Variants in SAMSN1 observed in about 807,000 individuals in gnomAD.
SAMSN1 encodes the protein SAM domain-containing protein SAMSN-1.
A neutral mutation model predicts 42.0 loss-of-function variants in SAMSN1; 31 were observed. The ratio of observed to expected loss-of-function variants is 0.74; its 90% CI spans 0.55 to 1.00. The LOEUF (loss-of-function observed/expected upper bound fraction) is 1.00. Among genes scored for constraint, SAMSN1 ranks in the 50% least tolerant of loss-of-function variants. SAMSN1 has a pLI of 0.00. For missense variants in SAMSN1, 464 were observed against 439.4 expected (o/e 1.06, Z -0.50); for synonymous variants, 178 against 151.9 (o/e 1.17, Z -1.26).
chr21:14,655,921 A>C (rs2123402576), intron 1 of SAMSN1, among the ~76,000 whole-genome samples: 1 of 151,996 alleles, frequency 6.6e-6, no homozygotes, highest in South Asian at 2.1e-4. Context: ...CAATATACTA[A>C]TAATGTGTCT....
chr21:14,546,486 G>T (rs1194815811), upstream of SAMSN1: 7 of 535,842 alleles, frequency 1.3e-5, no homozygotes, highest in East Asian at 2.3e-4. Flanking sequence ...TTTCTATGAG[G>T]TATGTTCCAA....
At chr21:14,598,967 A>G (rs963302652) in intron 6 of SAMSN1, among the ~76,000 whole-genome samples, 1 of 152,180 alleles carries the variant, frequency 6.6e-6, no homozygotes, top group African/African-American at 2.4e-5. Context: ...TATCATCTTC[A>G]TAATAGGGAA....
intron 2 of SAMSN1, among the ~76,000 whole-genome samples, chr21:14,570,773 G>A (rs929896762): frequency 4.6e-5 from 7 of 152,142 alleles, no homozygotes; most frequent in African/African-American, 1.7e-4. Flanking sequence ...TGTATGTAGA[G>A]TGATCTTTCC....
chr21:14,636,858 C>T (rs112581921), intron 2 of SAMSN1, among the ~76,000 whole-genome samples: 9 of 151,650 alleles, frequency 5.9e-5, no homozygotes, highest in South Asian at 2.1e-4. Context: ...AGCGAGATTC[C>T]GTCTCAAAAA....
At chr21:14,594,583 G>A (rs908863329) in intron 6 of SAMSN1, 1 of 152,238 alleles carries the variant, frequency 6.6e-6, no homozygotes, top group Non-Finnish European at 1.5e-5. Context: ...TCAAGTCATA[G>A]TGTGGGATGT....
rs146720900 is a variant in SAMSN1, at chr21:14,561,127, T to C, written c.261+21009A>G. On this transcript the variant is annotated intron_variant, in intron 2 of 8. Transcript: ENST00000285670. ...AACATCACTATTGTAGAATCTAAGA[T>C]TGGTTTTTTGAGGTATCTTTCACGC... Among the ~76,000 whole-genome samples the C allele has an allele frequency of 4.5e-3, 689 of 152,228 alleles. 8 individuals are homozygous for C. Among genetic ancestry groups the C allele is most frequent in the African/African-American group, 0.016 (648 of 41,544 alleles).
intron 7 of SAMSN1, among the ~76,000 whole-genome samples, chr21:14,492,112 T>C (rs1349619789): frequency 6.6e-6 from 1 of 152,210 alleles, no homozygotes; most frequent in Non-Finnish European, 1.5e-5. Flanking sequence ...AACTACTAGA[T>C]TTTTAGTTAG....
intron 5 of SAMSN1, among the ~76,000 whole-genome samples, chr21:14,605,981 A>T (rs1965312520): frequency 6.6e-6 from 1 of 151,798 alleles, no homozygotes; most frequent in Non-Finnish European, 1.5e-5. Context: ...AGCTGGGACT[A>T]CAGGCGCCCG....
At chr21:14,631,280 A>G (rs984402481) in intron 2 of SAMSN1, among the ~76,000 whole-genome samples, 1 of 152,228 alleles carries the variant, frequency 6.6e-6, no homozygotes, top group Non-Finnish European at 1.5e-5. Flanking sequence ...TGCTAATAGT[A>G]TAAAATACAT....
chr21:14,489,937 C>G (rs1235913543), intron 7 of SAMSN1, among the ~76,000 whole-genome samples: 2 of 151,950 alleles, frequency 1.3e-5, no homozygotes, highest in Non-Finnish European at 2.9e-5. Context: ...CTCAATTATA[C>G]TAAAAGTGAA....
intron 2 of SAMSN1, among the ~76,000 whole-genome samples, chr21:14,638,987 A>G (rs1486024224): frequency 6.6e-6 from 1 of 152,240 alleles, no homozygotes; most frequent in East Asian, 1.9e-4. Flanking sequence ...ACAAATATTT[A>G]TTGAATGACC....
chr21:14,580,720 A>G (rs1367306470), intron 2 of SAMSN1, among the ~76,000 whole-genome samples: 1 of 152,250 alleles, frequency 6.6e-6, no homozygotes, highest in African/African-American at 2.4e-5. Flanking sequence ...TTAATGCACA[A>G]ATCTTAAAAG....
At chr21:14,551,575 T>C (rs1272326367) in intron 2 of SAMSN1, among the ~76,000 whole-genome samples, 2 of 152,160 alleles carry the variant, frequency 1.3e-5, no homozygotes, top group South Asian at 2.1e-4. Flanking sequence ...TTTAAAGTCA[T>C]ATAAGGGCCA....
chr21:14,486,746 G>A (rs1986452077), intron 7 of SAMSN1, among the ~76,000 whole-genome samples: 1 of 152,102 alleles, frequency 6.6e-6, no homozygotes, highest in Non-Finnish European at 1.5e-5. Context: ...AATTTCCACT[G>A]AATCTACTTT....
intron 7 of SAMSN1, among the ~76,000 whole-genome samples, chr21:14,491,817 T>C (rs1202377970): frequency 1.3e-5 from 2 of 152,212 alleles, no homozygotes; most frequent in Non-Finnish European, 2.9e-5. Context: ...AGGGTAGAGA[T>C]AAAATTTTGC....
intron 5 of SAMSN1, among the ~76,000 whole-genome samples, chr21:14,605,315 A>G (rs754285853): frequency 2.7e-4 from 41 of 152,220 alleles, no homozygotes; most frequent in Admixed American, 2.0e-4. Flanking sequence ...CGGCTATATG[A>G]GGCATCACAC....
chr21:14,573,146 G>A (rs1273593412), intron 2 of SAMSN1, among the ~76,000 whole-genome samples: 2 of 152,144 alleles, frequency 1.3e-5, no homozygotes, highest in Non-Finnish European at 2.9e-5. Context: ...GTGTGTATGT[G>A]ATGATGGGTG....
At chr21:14,617,534 T>C (rs972809864) in intron 2 of SAMSN1, among the ~76,000 whole-genome samples, 1 of 152,194 alleles carries the variant, frequency 6.6e-6, no homozygotes, top group Non-Finnish European at 1.5e-5. Context: ...GCAAGCTCCA[T>C]GTTCCACAGT....
chr21:14,612,456 A>G (rs1982732703), intron 4 of SAMSN1: 1 of 277,690 alleles, frequency 3.6e-6, no homozygotes, highest in Non-Finnish European at 7.7e-6. Context: ...GAAACTAAAG[A>G]GAAGATTTGG....
Sources: gnomAD v4.1 joint callset for allele counts (sites outside exome capture counted in the v4.1 genomes callset) on GRCh38, gnomAD v4.1.1 for gene constraint, MANE v1.5 for transcripts, NCBI Gene and HGNC (gene_info 2026-07-23, HGNC 2026-07-21) for gene names.